Variants in MAGI1 observed in about 807,000 individuals in gnomAD.
MAGI1 encodes the protein membrane associated guanylate kinase, WW and PDZ domain containing 1.
Under a neutral mutation model 139.9 loss-of-function variants are expected in MAGI1, and 58 were observed. That is an observed-to-expected ratio of 0.41 (90% CI 0.34 to 0.52). MAGI1 has a LOEUF of 0.52. MAGI1 is among the 20% of genes least tolerant of loss of function. The probability of loss-of-function intolerance (pLI) is 0.12; values close to 1 mark genes in which losing one functional copy is unlikely to be tolerated. For synonymous variants in MAGI1, 812 were observed against 737.9 expected (o/e 1.10, Z -1.63); for missense variants, 1,874 against 1,901.6 (o/e 0.99, Z 0.27).
chr3:65,713,164 T>C (rs1173172819), intron 1 of MAGI1, among the ~76,000 whole-genome samples: 1 of 152,208 alleles, frequency 6.6e-6, no homozygotes, highest in African/African-American at 2.4e-5. Flanking sequence ...CAGCAGGCCC[T>C]GCTGTTTGTG....
chr3:65,722,809 C>T (rs745828694), intron 1 of MAGI1, among the ~76,000 whole-genome samples: 3 of 150,436 alleles, frequency 2.0e-5, no homozygotes, highest in Non-Finnish European at 4.4e-5. Context: ...TCCATAGGCC[C>T]ACATTTCTGT....
At chr3:65,584,464 C>T (rs1287825393) in intron 2 of MAGI1, among the ~76,000 whole-genome samples, 1 of 152,188 alleles carries the variant, frequency 6.6e-6, no homozygotes, top group Non-Finnish European at 1.5e-5. Context: ...CAGTGTTTGA[C>T]ACAAAGCTGG....
intron 2 of MAGI1, among the ~76,000 whole-genome samples, chr3:65,556,473 C>T (rs533519530): frequency 3.8e-4 from 58 of 152,110 alleles, no homozygotes; most frequent in Non-Finnish European, 5.7e-4. Flanking sequence ...AAGCCTGGTC[C>T]GCTTTCAGAG....
intron 12 of MAGI1, among the ~76,000 whole-genome samples, chr3:65,426,897 A>G (rs1012118683): frequency 6.6e-6 from 1 of 152,208 alleles, no homozygotes; most frequent in South Asian, 2.1e-4. Context: ...GAAATAAACC[A>G]TGTAGATGTT....
At chr3:65,851,090 G>C (rs1169425263) in intron 1 of MAGI1, among the ~76,000 whole-genome samples, 2 of 152,006 alleles carry the variant, frequency 1.3e-5, no homozygotes, top group Middle Eastern at 3.2e-3. Context: ...TGGGGGACAA[G>C]AGCGAGACTT....
chr3:65,948,971 T>C (rs532783476), intron 1 of MAGI1, among the ~76,000 whole-genome samples: 2 of 152,176 alleles, frequency 1.3e-5, no homozygotes, highest in East Asian at 3.9e-4. Context: ...CTAAGAAAGG[T>C]GACAAGAGCA....
chr3:65,633,390 A>T (rs554537128), intron 1 of MAGI1, among the ~76,000 whole-genome samples: 104 of 152,258 alleles, frequency 6.8e-4, no homozygotes, highest in African/African-American at 2.4e-3. Context: ...ACGTGTGGTG[A>T]GTGTGATGTG....
chr3:65,394,326 A>G (rs1944208786), intron 13 of MAGI1, among the ~76,000 whole-genome samples: 1 of 152,198 alleles, frequency 6.6e-6, no homozygotes, highest in Non-Finnish European at 1.5e-5. Flanking sequence ...TGAGTTTGCA[A>G]AACTGCCTCT....
At chr3:65,667,968 C>T (rs1342003239) in intron 1 of MAGI1, among the ~76,000 whole-genome samples, 1 of 152,140 alleles carries the variant, frequency 6.6e-6, no homozygotes, top group Non-Finnish European at 1.5e-5. Flanking sequence ...AGAGTTTGCT[C>T]CCTGTGTAAT....
intron 2 of MAGI1, among the ~76,000 whole-genome samples, chr3:65,552,259 G>GGTGGGT (rs1553666646): frequency 1.9e-4 from 28 of 147,940 alleles, no homozygotes; most frequent in Non-Finnish European, 2.8e-4. Context: ...TGTGTATAGG[G>GGTGGGT]GTGTGTGTGT....
chr3:65,701,182 A>C (rs2089581997), intron 1 of MAGI1, among the ~76,000 whole-genome samples: 1 of 135,798 alleles, frequency 7.4e-6, no homozygotes, highest in Non-Finnish European at 1.7e-5. Flanking sequence ...TCCCCAGTTT[A>C]CTAATGAAAA....
intron 2 of MAGI1, among the ~76,000 whole-genome samples, chr3:65,594,473 G>A (rs565232403): frequency 6.6e-6 from 1 of 152,308 alleles, no homozygotes; most frequent in East Asian, 1.9e-4. Flanking sequence ...CACTTCAAAA[G>A]CCTAAAAGTC....
At chr3:65,448,100 A>G (rs146625483) in intron 6 of MAGI1, 43 bp from the exon 7 acceptor site, 2 of 1,579,568 alleles carry the variant, frequency 1.3e-6, no homozygotes, top group African/African-American at 2.7e-5. Context: ...AAAGAGAGAA[A>G]GCAAAATTCA....
intron 1 of MAGI1, among the ~76,000 whole-genome samples, chr3:65,946,412 AT>A (rs1175851901): frequency 1.3e-5 from 2 of 152,136 alleles, no homozygotes; most frequent in African/African-American, 4.8e-5. Flanking sequence ...GGTTTGGAAT[AT>A]TAAAACTTTG....
At chr3:65,871,728 T>C (rs78598271) in intron 1 of MAGI1, among the ~76,000 whole-genome samples, 2,949 of 152,356 alleles carry the variant, frequency 0.019, 94 homozygotes, top group African/African-American at 0.067. Context: ...TTTACCTCTG[T>C]GCAAAGTTTT....
intron 1 of MAGI1, among the ~76,000 whole-genome samples, chr3:65,785,585 A>G (rs1351184131): frequency 6.6e-6 from 1 of 152,236 alleles, no homozygotes. Context: ...GAGATAATAT[A>G]AATCATCACA....
At chr3:65,578,922 A>AC (rs1491092333) in intron 2 of MAGI1, among the ~76,000 whole-genome samples, 1 of 114,122 alleles carries the variant, frequency 8.8e-6, no homozygotes, top group Non-Finnish European at 1.9e-5. Context: ...CTCTGTCTCC[A>AC]AAGAGAGAGA....
rs896809790 is a variant in MAGI1, at chr3:65,512,482, C to A, written c.431-18851G>T. Among the ~76,000 whole-genome samples the A allele has an allele frequency of 1.1e-4, 17 of 148,576 alleles. No homozygotes were observed. In the South Asian group the frequency reaches 2.4e-3, roughly 21 times the overall value. The stretch of plus-strand genomic sequence containing the variant: ...AAAATGATAAAGGGGATATCACCAC[C>A]GATCCCACAGAAATACAAACTACCA... On this transcript the variant is annotated intron_variant, in intron 2 of 22. Coordinates refer to ENST00000402939, the MANE Select transcript of MAGI1 (RefSeq NM_001033057.2).
chr3:65,367,108 T>C (rs1276466820), intron 18 of MAGI1, among the ~76,000 whole-genome samples: 1 of 152,200 alleles, frequency 6.6e-6, no homozygotes, highest in African/African-American at 2.4e-5. Context: ...ATTAATTTTA[T>C]GGAGACTCTC....
Sources: gnomAD v4.1 joint callset for allele counts (sites outside exome capture counted in the v4.1 genomes callset) on GRCh38, gnomAD v4.1.1 for gene constraint, MANE v1.5 for transcripts, NCBI Gene and HGNC (gene_info 2026-07-23, HGNC 2026-07-21) for gene names.